Variants in SNX10 observed in about 807,000 individuals in gnomAD.
SNX10 encodes sorting nexin 10.
SNX10 carries 25 observed loss-of-function variants against 28.5 expected under a neutral mutation model. That is an observed-to-expected ratio of 0.88 (90% CI 0.64 to 1.22). The LOEUF is 1.22. Ranked by LOEUF, SNX10 falls within the 50% of genes most tolerant of loss-of-function variation. The pLI is 0.00. For synonymous variants in SNX10, 62 were observed against 81.4 expected (o/e 0.76, Z 1.28); for missense variants, 223 against 242.6 (o/e 0.92, Z 0.54).
intron 2 of SNX10, among the ~76,000 whole-genome samples, chr7:26,359,507 C>G (rs1439910780): frequency 6.6e-6 from 1 of 151,560 alleles, no homozygotes; most frequent in East Asian, 2.0e-4. Flanking sequence ...TCAAAAAGCT[C>G]TAATATTTAA....
At chr7:26,358,805 G>GTTTTTTTTTTTTTTTGTTTTTGTT (rs1788939092) in intron 2 of SNX10, among the ~76,000 whole-genome samples, 1 of 100,102 alleles carries the variant, frequency 1.0e-5, no homozygotes, top group East Asian at 3.1e-4. Flanking sequence ...GTTATCTTGT[G>GTTTTTTTTTTTTTTTGTTTTTGTT]TTTTTTTTTT....
intron 1 of SNX10, among the ~76,000 whole-genome samples, chr7:26,327,243 G>A (rs560480147): frequency 2.6e-5 from 4 of 152,076 alleles, no homozygotes; most frequent in South Asian, 2.1e-4. Flanking sequence ...GAACCACTGC[G>A]CCCGGGTCTT....
intron 2 of SNX10, among the ~76,000 whole-genome samples, chr7:26,358,705 A>G (rs1252274330): frequency 1.3e-5 from 2 of 151,924 alleles, no homozygotes; most frequent in African/African-American, 2.4e-5. Flanking sequence ...AGATCGTACC[A>G]CTGCACTCCA....
chr7:26,327,666 T>C (rs540893784), intron 1 of SNX10, among the ~76,000 whole-genome samples: 1 of 152,266 alleles, frequency 6.6e-6, no homozygotes, highest in South Asian at 2.1e-4. Context: ...AAAAATTTTT[T>C]TGGTTTATTC....
chr7:26,373,969 C>CT lies in SNX10; in HGVS notation c.*1404dup, dbSNP rs1054812903. On this transcript the variant is annotated 3_prime_UTR_variant, in exon 7 of 7. Transcript: ENST00000338523. The surrounding 1 kb of genome is among the most constrained non-coding windows in gnomAD (Gnocchi z 4.2). ...ATAAGAATGATTTCTTTAATTTGTCCTTTTTTTCTTTGGTCTAAAACATTA... is the reference window on the plus strand; with the variant it reads ...ATAAGAATGATTTCTTTAATTTGTCCTTTTTTTTCTTTGGTCTAAAACATTA... 3.3e-5 allele frequency: 5 copies of CT among 151,662 alleles called. 1 individual carries two copies. The highest frequency in any genetic ancestry group is 5.9e-5 in the Non-Finnish European group (4 of 67,802). The allele number at this position is 151,662 out of a possible 1,614,324, so 9.4% of individuals were successfully genotyped here. A position where few individuals can be genotyped will look rare whatever the true frequency, so the allele number is the denominator to read the frequency against.
At chr7:26,331,453 GC>G (rs1169754526) in intron 1 of SNX10, among the ~76,000 whole-genome samples, 2 of 152,022 alleles carry the variant, frequency 1.3e-5, no homozygotes, top group African/African-American at 4.8e-5. Context: ...GGGCATGGTG[GC>G]CCATGCCTGT....
chr7:26,339,300 G>A (rs1455704557), intron 1 of SNX10, among the ~76,000 whole-genome samples: 2 of 152,016 alleles, frequency 1.3e-5, no homozygotes, highest in African/African-American at 2.4e-5. Flanking sequence ...TCGCCATGCC[G>A]CCCAGACTGG....
At chr7:26,309,005 T>TA (rs1183074424) in intron 1 of SNX10, among the ~76,000 whole-genome samples, 2 of 151,894 alleles carry the variant, frequency 1.3e-5, no homozygotes, top group African/African-American at 4.8e-5. Context: ...GTAAGAGAAT[T>TA]AAAAAAAATG....
chr7:26,303,531 TG>T (rs1786459248), intron 1 of SNX10, among the ~76,000 whole-genome samples: 2 of 152,202 alleles, frequency 1.3e-5, no homozygotes, highest in African/African-American at 4.8e-5. Flanking sequence ...GTCTTCATCA[TG>T]CCGAACTCCT....
intron 2 of SNX10, among the ~76,000 whole-genome samples, chr7:26,355,265 C>T (rs1788774732): frequency 6.6e-6 from 1 of 152,160 alleles, no homozygotes; most frequent in Admixed American, 6.6e-5. Flanking sequence ...GGCTTCCTCC[C>T]ACTTTATTCT....
chr7:26,319,057 A>G (rs1206924492), intron 1 of SNX10, among the ~76,000 whole-genome samples: 2 of 152,198 alleles, frequency 1.3e-5, no homozygotes, highest in African/African-American at 4.8e-5. Context: ...GTTATTGGAG[A>G]TGATCAAACC....
intron 2 of SNX10, chr7:26,354,061 C>T (rs1442502553): frequency 6.6e-6 from 1 of 152,184 alleles, no homozygotes; most frequent in Non-Finnish European, 1.5e-5. Context: ...TTACAGTTAA[C>T]ACCTACTCAT....
intron 1 of SNX10, among the ~76,000 whole-genome samples, chr7:26,305,528 C>T (rs1166412596): frequency 2.0e-5 from 3 of 152,234 alleles, no homozygotes; most frequent in Non-Finnish European, 2.9e-5. Flanking sequence ...GGCAGTGTTA[C>T]TGTAGCTCTG....
chr7:26,371,813 T>TA lies in SNX10; in HGVS notation c.312-6dup. 1 of 1,580,764 alleles carries TA rather than the reference T, an allele frequency of 6.3e-7. No individual in the cohort carries two copies. Among genetic ancestry groups the TA allele is most frequent in the Non-Finnish European group, 8.6e-7 (1 of 1,159,666 alleles). On this transcript the variant is annotated splice_region_variant and splice_polypyrimidine_tract_variant and intron_variant, in intron 5 of 6. Coordinates refer to ENST00000338523, the MANE Select transcript of SNX10 (RefSeq NM_013322.3). ...CACCAATTATTTTTCCTTTTTTTTT[T>TA]AATATAGAGTCCTACAGAATGCACT...
At chr7:26,294,959 C>T (rs1404084724) in intron 1 of SNX10, among the ~76,000 whole-genome samples, 1 of 152,230 alleles carries the variant, frequency 6.6e-6, no homozygotes, top group Non-Finnish European at 1.5e-5. Context: ...AGCCAGGCTT[C>T]AGTCAAGGGC....
At chr7:26,292,274 C>G (rs995207304) in intron 1 of SNX10, 188 bp downstream of exon 1, 44 of 152,144 alleles carry the variant, frequency 2.9e-4, no homozygotes, top group African/African-American at 9.9e-4. Context: ...CGAGGTGTGC[C>G]GGGCAGGGAG....
intron 1 of SNX10, among the ~76,000 whole-genome samples, chr7:26,305,572 C>T (rs1786555082): frequency 6.6e-6 from 1 of 152,184 alleles, no homozygotes; most frequent in Non-Finnish European, 1.5e-5. Flanking sequence ...AACTTGGGGT[C>T]TCTTCATCAG....
intron 2 of SNX10, among the ~76,000 whole-genome samples, chr7:26,356,283 C>T (rs1474964710): frequency 6.6e-6 from 1 of 152,186 alleles, no homozygotes; most frequent in Non-Finnish European, 1.5e-5. Context: ...CTGGCTTTCT[C>T]ATACTACATA....
intron 1 of SNX10, among the ~76,000 whole-genome samples, chr7:26,307,733 A>G (rs925769060): frequency 2.6e-5 from 4 of 151,884 alleles, no homozygotes; most frequent in African/African-American, 9.7e-5. Flanking sequence ...GATTCACAGC[A>G]AAAATGAAAG....
Sources: allele counts gnomAD v4.1 joint callset (sites outside exome capture counted in the v4.1 genomes callset), GRCh38; gene constraint gnomAD v4.1.1; non-coding constraint Gnocchi (gnomAD v3.1); transcripts MANE v1.5; gene names NCBI Gene and HGNC (gene_info 2026-07-23, HGNC 2026-07-21).